Variants in MACROD2 observed in about 807,000 individuals in gnomAD.
MACROD2 encodes the protein mono-ADP ribosylhydrolase 2.
Under a neutral mutation model 70.4 loss-of-function variants are expected in MACROD2, and 36 were observed. The ratio of observed to expected loss-of-function variants is 0.51; its 90% CI spans 0.39 to 0.68. The LOEUF (loss-of-function observed/expected upper bound fraction) is 0.68, where lower values mean the gene tolerates loss of function less well. Among genes scored for constraint, MACROD2 ranks in the 30% least tolerant of loss-of-function variants. MACROD2 has a pLI of 0.00. For missense variants in MACROD2, 496 were observed against 538.4 expected (o/e 0.92, Z 0.78); for synonymous variants, 172 against 178.8 (o/e 0.96, Z 0.30).
At chr20:14,041,165 AC>A (rs2053385598) in intron 2 of MACROD2, among the ~76,000 whole-genome samples, 1 of 152,204 alleles carries the variant, frequency 6.6e-6, no homozygotes, top group South Asian at 2.1e-4. Context: ...GTAGCTAATT[AC>A]TTTTATAAAA....
intron 3 of MACROD2, among the ~76,000 whole-genome samples, chr20:14,281,860 A>T (rs1001980274): frequency 1.4e-5 from 2 of 146,680 alleles, no homozygotes; most frequent in Non-Finnish European, 3.0e-5. Flanking sequence ...GCTTGAACCC[A>T]GGAGGCGGAG....
chr20:15,447,642 G>A (rs757727845), intron 7 of MACROD2, among the ~76,000 whole-genome samples: 3 of 152,072 alleles, frequency 2.0e-5, no homozygotes, highest in African/African-American at 4.8e-5. Flanking sequence ...GTGTCCAATC[G>A]AGTTGCCATG....
chr20:15,621,422 T>C (rs569095277), intron 8 of MACROD2, among the ~76,000 whole-genome samples: 1 of 152,312 alleles, frequency 6.6e-6, no homozygotes, highest in South Asian at 2.1e-4. Context: ...GCTCAGGACA[T>C]GCAGATTGCA....
At chr20:15,676,214 C>A (rs1229626538) in intron 8 of MACROD2, among the ~76,000 whole-genome samples, 2 of 152,060 alleles carry the variant, frequency 1.3e-5, no homozygotes, top group East Asian at 3.8e-4. Flanking sequence ...TATGTGCCTC[C>A]ATAAAAGCTG....
chr20:14,612,932 T>C (rs959882838), intron 4 of MACROD2, among the ~76,000 whole-genome samples: 1 of 152,140 alleles, frequency 6.6e-6, no homozygotes, highest in African/African-American at 2.4e-5. Flanking sequence ...CTTTCAGGCT[T>C]GTACTTTATT....
chr20:15,860,977 A>G (rs563440243), intron 8 of MACROD2, among the ~76,000 whole-genome samples: 1 of 152,342 alleles, frequency 6.6e-6, no homozygotes, highest in East Asian at 1.9e-4. Context: ...CAAGTGGAGC[A>G]ATAGCCTTAT....
intron 3 of MACROD2, among the ~76,000 whole-genome samples, chr20:14,348,097 A>G (rs986199524): frequency 4.6e-5 from 7 of 151,910 alleles, no homozygotes; most frequent in Admixed American, 1.3e-4. Flanking sequence ...CCCTGTCCCT[A>G]TCTCTACTAA....
chr20:14,276,040 T>C (rs1015333934), intron 3 of MACROD2, among the ~76,000 whole-genome samples: 7 of 151,150 alleles, frequency 4.6e-5, no homozygotes, highest in African/African-American at 1.5e-4. Flanking sequence ...GACTGTAAAC[T>C]AGTTCAACCA....
chr20:14,337,643 C>T (rs2082963152), intron 3 of MACROD2: 2 of 398,322 alleles, frequency 5.0e-6, no homozygotes, highest in Admixed American at 4.4e-5. Context: ...AAGTTTAAAG[C>T]TTCACCTCGC....
intron 4 of MACROD2, among the ~76,000 whole-genome samples, chr20:14,582,228 A>G (rs898161972): frequency 6.6e-6 from 1 of 152,158 alleles, no homozygotes; most frequent in African/African-American, 2.4e-5. Context: ...GTTTTAGTGC[A>G]TGCTCCCTTC....
chr20:15,771,575 TTC>T (rs2051627924), intron 8 of MACROD2, among the ~76,000 whole-genome samples: 2 of 152,096 alleles, frequency 1.3e-5, no homozygotes, highest in East Asian at 3.9e-4. Context: ...GCAGCTTACT[TTC>T]TGTCTGTCTG....
intron 5 of MACROD2, among the ~76,000 whole-genome samples, chr20:15,172,501 C>T (rs552368717): frequency 6.6e-6 from 1 of 152,300 alleles, no homozygotes; most frequent in South Asian, 2.1e-4. Flanking sequence ...ATCCTCCTGC[C>T]TCAGCCTCCT....
At chr20:15,043,682 C>T (rs567264867) in intron 5 of MACROD2, among the ~76,000 whole-genome samples, 1 of 152,264 alleles carries the variant, frequency 6.6e-6, no homozygotes, top group African/African-American at 2.4e-5. Flanking sequence ...GTGCTTCTCT[C>T]TAACACTTTG....
intron 8 of MACROD2, among the ~76,000 whole-genome samples, chr20:15,834,960 A>G (rs1333556674): frequency 1.3e-5 from 2 of 152,154 alleles, no homozygotes. Context: ...AGGCTAAGTT[A>G]TAAAAGGCTT....
intron 3 of MACROD2, among the ~76,000 whole-genome samples, chr20:14,389,369 C>T (rs186410467): frequency 5.1e-5 from 7 of 136,358 alleles, no homozygotes; most frequent in Admixed American, 1.7e-4. Flanking sequence ...TTGCAGTAAG[C>T]TGAGATTGCG....
rs552778323 is a variant in MACROD2, at chr20:15,862,143, A to G, written c.646-602A>G. Among the ~76,000 whole-genome samples, 6 of 152,334 alleles carry G rather than the reference A, an allele frequency of 3.9e-5. No homozygotes were observed. The East Asian group carries it at 7.7e-4, about 20-fold the overall frequency. ...TTTTGAGGTGGCATTTACTTATTCA[A>G]TAATATCTACAAAATTAAATGTTAT... is the stretch of plus-strand genomic sequence containing the variant. On this transcript the variant is annotated intron_variant, in intron 8 of 17. Transcript: ENST00000684519.
chr20:15,030,354 T>C (rs1305577027), intron 5 of MACROD2, among the ~76,000 whole-genome samples: 1 of 152,110 alleles, frequency 6.6e-6, no homozygotes, highest in African/African-American at 2.4e-5. Context: ...GTCCCAGGTA[T>C]TCGGAAGATC....
At chr20:15,274,956 A>C (rs7263151) in intron 6 of MACROD2, among the ~76,000 whole-genome samples, 2,166 of 152,012 alleles carry the variant, frequency 0.014, 57 homozygotes, top group African/African-American at 0.048. Flanking sequence ...TGGGGTGGCG[A>C]GGCGTGAGGC....
chr20:15,950,867 G>C (rs76748785), intron 12 of MACROD2, among the ~76,000 whole-genome samples: 3,036 of 152,262 alleles, frequency 0.02, 89 homozygotes, highest in African/African-American at 0.068. Context: ...ATGCTCAGGG[G>C]AGATGGAAGT....
Sources: gnomAD v4.1 joint callset for allele counts (sites outside exome capture counted in the v4.1 genomes callset) on GRCh38, gnomAD v4.1.1 for gene constraint, MANE v1.5 for transcripts, NCBI Gene and HGNC (gene_info 2026-07-23, HGNC 2026-07-21) for gene names.